GPR137B: variants seen among roughly 807,000 people sequenced by gnomAD.
GPR137B encodes integral membrane protein GPR137B.
Under a neutral mutation model 42.5 loss-of-function variants are expected in GPR137B, and 42 were observed. That is an observed-to-expected ratio of 0.99 (90% confidence interval 0.77 to 1.28). The LOEUF is 1.28. GPR137B is among the 50% of genes most tolerant of loss of function. The pLI is 0.00. For synonymous variants in GPR137B, 218 were observed against 209.7 expected (o/e 1.04, Z -0.34); for missense variants, 487 against 493.9 (o/e 0.99, Z 0.13).
chr1:236,203,164 G>A (rs777461775), intron 5 of GPR137B, among the ~76,000 whole-genome samples: 21 of 151,968 alleles, frequency 1.4e-4, no homozygotes, highest in Admixed American at 3.9e-4. Flanking sequence ...TGCAAGCTCC[G>A]CCTCCCAGGT....
chr1:236,154,587 G>T (rs1661961978), intron 1 of GPR137B, among the ~76,000 whole-genome samples: 1 of 151,684 alleles, frequency 6.6e-6, no homozygotes, highest in Non-Finnish European at 1.5e-5. Flanking sequence ...AGGCCAGATG[G>T]TCATTCTCTC....
rs1206670659 is a variant in GPR137B at position 236,150,550 on chromosome 1, C to T, written c.414+7514C>T. 6.6e-6 allele frequency among the ~76,000 whole-genome samples: 1 copy of T among 152,156 alleles called. No individual in the cohort carries two copies. The highest frequency in any genetic ancestry group is 1.5e-5 in the Non-Finnish European group (1 of 68,020). On this transcript the variant is annotated intron_variant, in intron 1 of 6. Coordinates refer to ENST00000366592, the MANE Select transcript of GPR137B (RefSeq NM_003272.4). The surrounding 1 kb of genome is among the most constrained non-coding windows in gnomAD (Gnocchi z 6.2). The stretch of plus-strand genomic sequence containing the variant: ...GAGGGGGAACTAAATCCTGTTAATG[C>T]CCTCAGCACTCGGGGAACAATTAGG...
At chr1:236,183,647 T>A (rs910464308) in intron 4 of GPR137B, 131 bp from the exon 5 acceptor site, 1 of 592,492 alleles carries the variant, frequency 1.7e-6, no homozygotes, top group African/African-American at 1.9e-5. Context: ...TATTCGGTAG[T>A]ACATTCTAAA....
rs907355400 is a variant in GPR137B at position 236,150,034 on chromosome 1, T to C, written c.414+6998T>C. Among the ~76,000 whole-genome samples, 1 of 151,512 alleles carries C rather than the reference T, an allele frequency of 6.6e-6. No individual in the cohort carries two copies. Among genetic ancestry groups the C allele is most frequent in the Non-Finnish European group, 1.5e-5 (1 of 67,858 alleles). On this transcript the variant is annotated intron_variant, in intron 1 of 6. Coordinates refer to ENST00000366592, the MANE Select transcript of GPR137B (RefSeq NM_003272.4). The surrounding 1 kb of genome is among the most constrained non-coding windows in gnomAD (Gnocchi z 6.2). ...GTGTGCCTGTGTGTGTACCTGTGTG[T>C]GTGTGTGCCTGCCTCTGTGTGCCTG... is the stretch of plus-strand genomic sequence containing the variant.
At chr1:236,144,281 A>G (rs1661622718) in intron 1 of GPR137B, among the ~76,000 whole-genome samples, 1 of 152,086 alleles carries the variant, frequency 6.6e-6, no homozygotes, top group South Asian at 2.1e-4. Flanking sequence ...TGGGTGTGGT[A>G]GTGCCCGCCT....
At chr1:236,154,576 GA>G (rs2102893849) in intron 1 of GPR137B, among the ~76,000 whole-genome samples, 1 of 151,628 alleles carries the variant, frequency 6.6e-6, no homozygotes, top group East Asian at 1.9e-4. Flanking sequence ...TCCCCTCGAG[GA>G]GGCCAGATGG....
intron 2 of GPR137B, among the ~76,000 whole-genome samples, chr1:236,175,377 A>T (rs1052969879): frequency 6.6e-6 from 1 of 152,180 alleles, no homozygotes; most frequent in Non-Finnish European, 1.5e-5. Context: ...GGCCCCGCAC[A>T]GTTCAAACCT....
chr1:236,204,822 C>T (rs1413627941), intron 5 of GPR137B, among the ~76,000 whole-genome samples: 1 of 152,060 alleles, frequency 6.6e-6, no homozygotes, highest in African/African-American at 2.4e-5. Flanking sequence ...CCCATTTCTT[C>T]TAGATTTTAC....
At chr1:236,143,140 G>C in intron 1 of GPR137B, 104 bp downstream of exon 1, 2 of 980,616 alleles carry the variant, frequency 2.0e-6, no homozygotes, top group Non-Finnish European at 3.0e-6. Context: ...TCCGGCCCTA[G>C]GGCTGAGAGT....
At chr1:236,188,765 T>A (rs1349571677) in intron 5 of GPR137B, among the ~76,000 whole-genome samples, 1 of 152,224 alleles carries the variant, frequency 6.6e-6, no homozygotes, top group Non-Finnish European at 1.5e-5. Context: ...ATCAGAGATA[T>A]TGGTCTGAAA....
At chr1:236,187,286 G>C (rs1021976575) in intron 5 of GPR137B, among the ~76,000 whole-genome samples, 2 of 152,104 alleles carry the variant, frequency 1.3e-5, no homozygotes, top group Non-Finnish European at 2.9e-5. Context: ...TAGGTTGCCT[G>C]TTTACTCTGA....
At chr1:236,192,405 A>G (rs1276959623) in intron 5 of GPR137B, among the ~76,000 whole-genome samples, 1 of 151,450 alleles carries the variant, frequency 6.6e-6, no homozygotes, top group Non-Finnish European at 1.5e-5. Flanking sequence ...AACCTCCTGC[A>G]GCTGGTTCAG....
intron 1 of GPR137B, among the ~76,000 whole-genome samples, chr1:236,143,702 A>G (rs1205186773): frequency 6.6e-6 from 1 of 152,212 alleles, no homozygotes; most frequent in Non-Finnish European, 1.5e-5. Flanking sequence ...AGAAAAGGCC[A>G]TAAAAGCTGA....
chr1:236,194,016 A>G (rs1300678873), intron 5 of GPR137B, among the ~76,000 whole-genome samples: 1 of 152,224 alleles, frequency 6.6e-6, no homozygotes, highest in Admixed American at 6.5e-5. Context: ...AAAGCAGGAC[A>G]CATTCAGTAG....
At chr1:236,188,054 T>TA (rs549257443) in intron 5 of GPR137B, among the ~76,000 whole-genome samples, 238 of 152,346 alleles carry the variant, frequency 1.6e-3, no homozygotes, top group African/African-American at 5.5e-3. Context: ...ATATCCCTTG[T>TA]AAGTTGTATT....
chr1:236,145,266 C>A (rs761150816), intron 1 of GPR137B, among the ~76,000 whole-genome samples: 8 of 152,178 alleles, frequency 5.3e-5, no homozygotes, highest in Non-Finnish European at 7.3e-5. Context: ...CCGCTCACCC[C>A]CTCTTTCTCT....
chr1:236,143,354 C>A (rs529428157), intron 1 of GPR137B, among the ~76,000 whole-genome samples: 16 of 152,376 alleles, frequency 1.1e-4, no homozygotes, highest in South Asian at 2.1e-4. Flanking sequence ...GCAGCAGCGC[C>A]TGCACACGCC....
At position 236,142,946 on chromosome 1, in the gene GPR137B, G is replaced by T. The variant is rs1661568661; in HGVS notation, c.324G>T (p.Ser108=). The T allele has an allele frequency of 6.2e-7, 1 of 1,613,978 alleles. No homozygotes were observed. Among genetic ancestry groups the T allele is most frequent in the Admixed American group, 1.7e-5 (1 of 60,014 alleles). The change falls in exon 1 of 7, where the codon TCG becomes TCT. Residue 108 remains serine (S), a synonymous_variant. Transcript: ENST00000366592. The part of the protein sequence containing the change: ...FYFKDFVAAN[S]LSPFVFWLLY... ...TCAAAGACTTCGTGGCGGCCAATTC[G>T]CTCAGCCCCTTCGTCTTCTGGCTGC... is the stretch of plus-strand genomic sequence containing the variant.
At position 236,142,849 on chromosome 1, in the gene GPR137B, G is replaced by GC; in HGVS notation, c.228dup (p.Tyr77LeufsTer122). The GC allele has an allele frequency of 6.2e-7, 1 of 1,614,196 alleles. No individual in the cohort carries two copies. Among genetic ancestry groups the GC allele is most frequent in the Non-Finnish European group, 8.5e-7 (1 of 1,180,002 alleles). On this transcript the variant is annotated frameshift_variant, in exon 1 of 7. Transcript: ENST00000366592. LOFTEE classifies it high-confidence loss of function. The stretch of plus-strand genomic sequence containing the variant: ...CTGCGTTACCGCCACAAGCGGCTCA[G>GC]CTACCAGAGCGTCTTCCTCTTTCTC...
Sources: allele counts gnomAD v4.1 joint callset (sites outside exome capture counted in the v4.1 genomes callset), GRCh38; gene constraint gnomAD v4.1.1; non-coding constraint Gnocchi (gnomAD v3.1); transcripts MANE v1.5; gene names NCBI Gene and HGNC (gene_info 2026-07-23, HGNC 2026-07-21).